CADPS2: variants seen among roughly 807,000 people sequenced by gnomAD.
CADPS2 encodes calcium-dependent secretion activator 2.
CADPS2 carries 93 observed loss-of-function variants against 172.5 expected under a neutral mutation model. The ratio of observed to expected loss-of-function variants is 0.54; its 90% CI spans 0.46 to 0.64. CADPS2 has a LOEUF of 0.64. Among genes scored for constraint, CADPS2 ranks in the 30% least tolerant of loss-of-function variants. The probability of loss-of-function intolerance (pLI) is 0.00; values close to 1 mark genes in which losing one functional copy is unlikely to be tolerated. For synonymous variants in CADPS2, 546 were observed against 555.2 expected, an observed-to-expected ratio of 0.98 and a Z score of 0.23; for missense variants, 1,420 against 1,565.9, an observed-to-expected ratio of 0.91 and a Z score of 1.57.
chr7:122,416,172 A>G lies in CADPS2; in HGVS notation c.2477-8T>C. ...ATGCCTGGTTCATGGTCTCTATATG[A>G]AAAAAAATCATAATCATGTTACCTT... On this transcript the variant is annotated splice_polypyrimidine_tract_variant and splice_region_variant and intron_variant, in intron 17 of 29. Coordinates refer to ENST00000449022, the MANE Select transcript of CADPS2 (RefSeq NM_017954.11). 2 of 1,462,492 alleles carry G rather than the reference A, an allele frequency of 1.4e-6. No individual in the cohort carries two copies. The highest frequency in any genetic ancestry group is 1.8e-6 in the Non-Finnish European group (2 of 1,082,144). The allele number at this position is 1,462,492 out of a possible 1,614,324, so 90.6% of individuals were successfully genotyped here. A position where few individuals can be genotyped will look rare whatever the true frequency, so the allele number is the denominator to read the frequency against.
In CADPS2 at chr7:122,603,072, A is replaced by G. The variant is rs796146797; in HGVS notation, c.1223+12109T>C. Among the ~76,000 whole-genome samples, 8 of 152,126 alleles carry G rather than the reference A, an allele frequency of 5.3e-5. No individual in the cohort carries two copies. The South Asian group carries it at 1.7e-3, about 31-fold the overall frequency. On this transcript the variant is annotated intron_variant, in intron 6 of 29. Transcript: ENST00000449022. The stretch of plus-strand genomic sequence containing the variant: ...GCACAGCAGATATAAATCTTCAATG[A>G]CATCAACTGAGACACAAAACCAATG...
chr7:122,451,541 T>A, intron 14 of CADPS2, 66 bp from the exon 15 acceptor site: 1 of 867,124 alleles, frequency 1.2e-6, no homozygotes, highest in Non-Finnish European at 1.7e-6. Flanking sequence ...ATTTTATACA[T>A]ATGTATATTT....
At chr7:122,728,528 T>C (rs2091325747) in intron 2 of CADPS2, among the ~76,000 whole-genome samples, 2 of 151,724 alleles carry the variant, frequency 1.3e-5, no homozygotes, top group South Asian at 4.1e-4. Context: ...TAAGAGTGTG[T>C]ATAAAGATTG....
chr7:122,480,875 A>G lies in CADPS2; in HGVS notation c.1853-15T>C, dbSNP rs2057205576. ...ACCTTTACCAGCTACAGGTCAGCAAAGAAATGAGAAACAAAGCATATTTAA... is the reference window on the plus strand; with the variant it reads ...ACCTTTACCAGCTACAGGTCAGCAAGGAAATGAGAAACAAAGCATATTTAA... On this transcript the variant is annotated splice_polypyrimidine_tract_variant and intron_variant, in intron 11 of 29. Coordinates refer to ENST00000449022, the MANE Select transcript of CADPS2 (RefSeq NM_017954.11). 6.6e-7 allele frequency: 1 copy of G among 1,517,116 alleles called. No individual in the cohort carries two copies. 94.0% of individuals were successfully genotyped at this position (1,517,116 alleles called of 1,614,324 possible).
At chr7:122,409,630 G>A (rs1563265652) in intron 19 of CADPS2, 1 of 470,788 alleles carries the variant, frequency 2.1e-6, no homozygotes, top group Non-Finnish European at 4.4e-6. Context: ...TTCTCCTAAT[G>A]ATGGCTAAAT....
chr7:122,713,945 T>C (rs2089198087), intron 2 of CADPS2, among the ~76,000 whole-genome samples: 1 of 152,108 alleles, frequency 6.6e-6, no homozygotes, highest in African/African-American at 2.4e-5. Flanking sequence ...TCATTAGCTC[T>C]GCTGGCACAA....
At chr7:122,551,036 T>C (rs1295359769) in intron 8 of CADPS2, among the ~76,000 whole-genome samples, 5 of 152,148 alleles carry the variant, frequency 3.3e-5, no homozygotes, top group African/African-American at 1.2e-4. Flanking sequence ...TACATGTAGT[T>C]AGTCCTACTT....
chr7:122,843,510 T>C (rs926494532), intron 1 of CADPS2, among the ~76,000 whole-genome samples: 1 of 152,118 alleles, frequency 6.6e-6, no homozygotes, highest in African/African-American at 2.4e-5. Flanking sequence ...ACTTAAGATA[T>C]ACTAGTACTT....
intron 14 of CADPS2, among the ~76,000 whole-genome samples, chr7:122,467,667 G>A (rs1156339862): frequency 6.6e-6 from 1 of 152,224 alleles, no homozygotes; most frequent in African/African-American, 2.4e-5. Context: ...AGAGGAGTCA[G>A]TGAATACACT....
chr7:122,385,286 T>TATA (rs1237585810), intron 24 of CADPS2, among the ~76,000 whole-genome samples: 1 of 151,646 alleles, frequency 6.6e-6, no homozygotes, highest in Non-Finnish European at 1.5e-5. Context: ...GCTATGGTAA[T>TATA]ATAAATACAT....
chr7:122,599,817 C>T (rs1407870055), intron 6 of CADPS2, among the ~76,000 whole-genome samples: 1 of 151,930 alleles, frequency 6.6e-6, no homozygotes, highest in African/African-American at 2.4e-5. Context: ...ACAGTATATA[C>T]TATATTCTGT....
intron 3 of CADPS2, among the ~76,000 whole-genome samples, chr7:122,656,795 A>G (rs1022194954): frequency 3.9e-5 from 6 of 152,220 alleles, no homozygotes; most frequent in Non-Finnish European, 7.4e-5. Flanking sequence ...TTTGCTGTGC[A>G]GAAGATCTTT....
rs571669461 is a variant in CADPS2, at chr7:122,582,936, T to C, written c.1224-1646A>G. Among the ~76,000 whole-genome samples the C allele has an allele frequency of 7.9e-5, 12 of 152,178 alleles. No individual in the cohort carries two copies. The South Asian group carries it at 1.2e-3, about 16-fold the overall frequency. ...CAAAATCCTTTGAAACTATTTACAC[T>C]ACATGTTCATTTTTAATTCCCAAAC... On this transcript the variant is annotated intron_variant, in intron 6 of 29. Transcript: ENST00000449022.
intron 1 of CADPS2, among the ~76,000 whole-genome samples, chr7:122,822,200 A>C (rs1366193524): frequency 2.6e-5 from 4 of 151,366 alleles, no homozygotes; most frequent in African/African-American, 9.7e-5. Flanking sequence ...GGCACTCTCT[A>C]ATCAGATATC....
chr7:122,778,051 C>A (rs2093939259), intron 1 of CADPS2, among the ~76,000 whole-genome samples: 1 of 151,922 alleles, frequency 6.6e-6, no homozygotes, highest in Non-Finnish European at 1.5e-5. Context: ...GCTCAGAAGA[C>A]AAGAAAATGT....
At chr7:122,681,825 G>A (rs1471048542) in intron 2 of CADPS2, among the ~76,000 whole-genome samples, 1 of 151,406 alleles carries the variant, frequency 6.6e-6, no homozygotes, top group Non-Finnish European at 1.5e-5. Flanking sequence ...ATAAAGCCTT[G>A]AACTGTCTAT....
At chr7:122,880,798 C>G (rs749780110) in intron 1 of CADPS2, among the ~76,000 whole-genome samples, 1 of 152,174 alleles carries the variant, frequency 6.6e-6, no homozygotes, top group African/African-American at 2.4e-5. Flanking sequence ...ACACAGTGAA[C>G]ATAAAATGAT....
intron 20 of CADPS2, among the ~76,000 whole-genome samples, chr7:122,405,379 AG>A (rs1471129231): frequency 6.6e-6 from 1 of 152,092 alleles, no homozygotes; most frequent in Non-Finnish European, 1.5e-5. Context: ...AAATTGGCTG[AG>A]GGCCAGGTGC....
rs188216085 is a variant in CADPS2 at position 122,535,776 on chromosome 7, C to G, written c.1475+18774G>C. On this transcript the variant is annotated intron_variant, in intron 8 of 29. Transcript: ENST00000449022. The stretch of plus-strand genomic sequence containing the variant: ...GATTGATGGGATGATATACTGAGCC[C>G]CACATCAGTGAAAGTGACTTGTGTC... 1.5e-3 allele frequency among the ~76,000 whole-genome samples: 234 copies of G among 152,132 alleles called. 1 individual carries two copies. The highest frequency in any genetic ancestry group is 3.4e-3 in the Middle Eastern group (1 of 292).
Sources: allele counts gnomAD v4.1 joint callset (sites outside exome capture counted in the v4.1 genomes callset), GRCh38; gene constraint gnomAD v4.1.1; transcripts MANE v1.5; gene names NCBI Gene and HGNC (gene_info 2026-07-23, HGNC 2026-07-21).